The following PALM variants were observed in gnomAD, a reference collection of about 807,000 sequenced individuals.
PALM encodes paralemmin, also known as paralemmin-1.
PALM carries 18 observed loss-of-function variants against 30.7 expected under a neutral mutation model. That is an observed-to-expected ratio of 0.59 (90% CI 0.41 to 0.87). PALM has a LOEUF of 0.87. PALM is among the 40% of genes least tolerant of loss of function. PALM has a pLI of 0.00. For synonymous variants in PALM, 286 were observed against 242.8 expected, an observed-to-expected ratio of 1.18 and a Z score of -1.66; for missense variants, 529 against 555.4, an observed-to-expected ratio of 0.95 and a Z score of 0.48.
intron 1 of PALM, among the ~76,000 whole-genome samples, chr19:714,654 A>G (rs1195205249): frequency 8.6e-5 from 13 of 150,810 alleles, no homozygotes; most frequent in Admixed American, 7.3e-4. Context: ...CACCGCGCCC[A>G]GCCTTCTTTT....
chr19:710,317 C>T (rs2144836020), intron 1 of PALM, among the ~76,000 whole-genome samples: 1 of 152,328 alleles, frequency 6.6e-6, no homozygotes, highest in East Asian at 1.9e-4. Context: ...CTTTTGAAAA[C>T]CCAGACAAAG....
chr19:713,908 CTTTT>C (rs200551039), intron 1 of PALM, among the ~76,000 whole-genome samples: 4 of 123,780 alleles, frequency 3.2e-5, no homozygotes, highest in Admixed American at 8.3e-5. Flanking sequence ...TTCTTTCTTT[CTTTT>C]TTTTTTTTTT....
intron 1 of PALM, among the ~76,000 whole-genome samples, chr19:718,136 C>G (rs1448611776): frequency 2.0e-5 from 3 of 152,010 alleles, no homozygotes; most frequent in Non-Finnish European, 2.9e-5. Flanking sequence ...GAGCCGAGAT[C>G]GCGCCACCGC....
chr19:735,884 G>C (rs1299758532), intron 6 of PALM, 135 bp from the exon 7 acceptor site: 2 of 690,986 alleles, frequency 2.9e-6, no homozygotes, highest in African/African-American at 3.7e-5. Context: ...GTCTGGGTGG[G>C]GTCTGGGTGT....
At chr19:724,383 G>A (rs1010874188) in intron 1 of PALM, among the ~76,000 whole-genome samples, 17 of 152,088 alleles carry the variant, frequency 1.1e-4, no homozygotes, top group Admixed American at 2.6e-4. Context: ...GTGCAGTGGC[G>A]CGATCTCGGC....
chr19:725,722 C>T (rs953308746), intron 1 of PALM, among the ~76,000 whole-genome samples: 1 of 151,728 alleles, frequency 6.6e-6, no homozygotes, highest in Non-Finnish European at 1.5e-5. Context: ...CTCTGTTTGC[C>T]CCTCCTGGGG....
chr19:745,982 CG>C (rs2033326250), intron 8 of PALM, among the ~76,000 whole-genome samples: 1 of 151,848 alleles, frequency 6.6e-6, no homozygotes, highest in Non-Finnish European at 1.5e-5. Context: ...CGCTTGAACC[CG>C]GGAGGTGGAG....
intron 1 of PALM, among the ~76,000 whole-genome samples, chr19:713,643 A>G (rs1252358036): frequency 6.6e-6 from 1 of 151,898 alleles, no homozygotes; most frequent in Non-Finnish European, 1.5e-5. Flanking sequence ...CAGCGGTGTG[A>G]TCTCGGCTTA....
chr19:744,977 C>G (rs561713779), intron 8 of PALM, among the ~76,000 whole-genome samples: 6 of 151,232 alleles, frequency 4.0e-5, no homozygotes, highest in Non-Finnish European at 8.8e-5. Context: ...GTCTGGAGTT[C>G]AAGACCAGAC....
At chr19:720,200 C>G (rs886364697) in intron 1 of PALM, among the ~76,000 whole-genome samples, 1 of 151,858 alleles carries the variant, frequency 6.6e-6, no homozygotes, top group African/African-American at 2.4e-5. Context: ...GATGCTGCGC[C>G]GGCCCCACCC....
At position 734,207 on chromosome 19, in the gene PALM, G is replaced by A. The variant is rs777989213; in HGVS notation, c.442+13G>A. The stretch of plus-strand genomic sequence containing the variant: ...GGCACGCCCAAAGGTAGGACCTCTG[G>A]AAGGAACTCGTGGGGCCTCGGCGCA... On this transcript the variant is annotated intron_variant, in intron 6 of 8. Coordinates refer to ENST00000338448, the MANE Select transcript of PALM (RefSeq NM_002579.3). 3 of 1,613,448 alleles carry A rather than the reference G, an allele frequency of 1.9e-6. No homozygotes were observed. Among genetic ancestry groups the A allele is most frequent in the Non-Finnish European group, 2.5e-6 (3 of 1,179,616 alleles).
chr19:739,206 G>A (rs540384121), intron 7 of PALM, among the ~76,000 whole-genome samples: 124 of 152,164 alleles, frequency 8.1e-4, no homozygotes, highest in Non-Finnish European at 7.5e-4. Flanking sequence ...ATCTCAGGAG[G>A]GTTCCTTCAT....
At chr19:734,141 CG>C in intron 5 of PALM, 31 bp from the exon 6 acceptor site, 1 of 1,612,898 alleles carries the variant, frequency 6.2e-7, no homozygotes, top group Non-Finnish European at 8.5e-7. Flanking sequence ...GGGATGCTGA[CG>C]CCCCTGACCC....
Position 746,605 on chromosome 19 carries a change from G to T in PALM, c.955G>T (p.Gly319Cys). Residue 319 changes from glycine (G) to cysteine (C), a missense_variant, in exon 9 of 9, where the codon GGC (glycine) becomes TGC (cysteine). Physicochemically the swap from Gly to Cys is radical, Grantham distance 159. Transcript: ENST00000338448. This position sits in a 1 kb window ranked among gnomAD's most constrained non-coding sequence, Gnocchi z 7.1. ...TGAGGCCGAGACCAAGAAGGTGCTG[G>T]GCCTTCAAGATACCATCACGGCGGA... ...EDEAETKKVL[G>C]LQDTITAELV... The T allele has an allele frequency of 1.2e-6, 2 of 1,613,328 alleles. No individual in the cohort carries two copies. Among genetic ancestry groups the T allele is most frequent in the African/African-American group, 2.7e-5 (2 of 75,040 alleles).
chr19:709,292 C>T lies in PALM; in HGVS notation c.5+141C>T, dbSNP rs562311438. On this transcript the variant is annotated intron_variant, in intron 1 of 8. Transcript: ENST00000338448. This position sits in a 1 kb window ranked among gnomAD's most constrained non-coding sequence, Gnocchi z 4.3. ...GGAGGCGGCGCGGGGCTGCTGGGGC[C>T]GCAGCGCAGCCGGGAAGAGACTCGG... is the stretch of plus-strand genomic sequence containing the variant. The T allele has an allele frequency of 1.2e-5, 3 of 255,166 alleles. No individual in the cohort carries two copies. The highest frequency in any genetic ancestry group is 6.5e-5 in the East Asian group (1 of 15,496). The allele number at this position is 255,166 out of a possible 1,614,324, so 15.8% of individuals were successfully genotyped here. A position where few individuals can be genotyped will look rare whatever the true frequency, so the allele number is the denominator to read the frequency against.
intron 1 of PALM, among the ~76,000 whole-genome samples, chr19:717,799 G>A (rs1279486926): frequency 1.3e-5 from 2 of 152,082 alleles, no homozygotes; most frequent in Admixed American, 6.6e-5. Flanking sequence ...AAGATGGAAA[G>A]ACCCTAATCG....
Position 747,180 on chromosome 19 carries a change from C to A in PALM, c.*366C>A, listed in dbSNP as rs2033375588. 4.6e-6 allele frequency: 1 copy of A among 218,060 alleles called. No individual in the cohort carries two copies. The highest frequency in any genetic ancestry group is 2.3e-5 in the African/African-American group (1 of 42,694). The allele number at this position is 218,060 out of a possible 1,614,324, so 13.5% of individuals were successfully genotyped here. On this transcript the variant is annotated 3_prime_UTR_variant, in exon 9 of 9. Transcript: ENST00000338448. ...CCACGCGGCCCAGGCCAGCCTGCCACCCTCTGGGCCTCCTACCTGTGCCTT... is the reference window on the plus strand; with the variant it reads ...CCACGCGGCCCAGGCCAGCCTGCCAACCTCTGGGCCTCCTACCTGTGCCTT...
intron 4 of PALM, among the ~76,000 whole-genome samples, chr19:730,294 T>TA (rs2032830342): frequency 6.6e-6 from 1 of 152,144 alleles, no homozygotes; most frequent in Non-Finnish European, 1.5e-5. Flanking sequence ...TTGTTAGACT[T>TA]ACGCACTCAG....
chr19:709,656 C>T lies in PALM; in HGVS notation c.5+505C>T, dbSNP rs1286062440. On this transcript the variant is annotated intron_variant, in intron 1 of 8. Coordinates refer to ENST00000338448, the MANE Select transcript of PALM (RefSeq NM_002579.3). The surrounding 1 kb of genome is among the most constrained non-coding windows in gnomAD (Gnocchi z 4.3). ...CCCCACCCCCGCCCTTCCCAAGGGC[C>T]TCCAGGGGTGTCCTGAGCCCCCCGC... 6.6e-6 allele frequency among the ~76,000 whole-genome samples: 1 copy of T among 152,108 alleles called. No homozygotes were observed. Among genetic ancestry groups the T allele is most frequent in the Non-Finnish European group, 1.5e-5 (1 of 67,986 alleles).
Sources: gnomAD v4.1 joint callset for allele counts (sites outside exome capture counted in the v4.1 genomes callset) on GRCh38, gnomAD v4.1.1 for gene constraint, Gnocchi (gnomAD v3.1) non-coding constraint, MANE v1.5 for transcripts, NCBI Gene and HGNC (gene_info 2026-07-23, HGNC 2026-07-21) for gene names.